The following PLBD1 variants were observed in gnomAD, a reference collection of about 807,000 sequenced individuals.
The protein encoded by PLBD1 is lysosomal leucine aminopeptidase.
In PLBD1, 60 loss-of-function variants were observed where a neutral mutation model predicts 63.0. That is an observed-to-expected ratio of 0.95 (90% confidence interval 0.77 to 1.18). The LOEUF is 1.18. Among genes scored for constraint, PLBD1 ranks in the 50% most tolerant of loss-of-function variants. The pLI is 0.00. For synonymous variants in PLBD1, 262 were observed against 248.0 expected (o/e 1.06, Z -0.53); for missense variants, 598 against 677.9 (o/e 0.88, Z 1.31).
rs143277098 is a variant in PLBD1, at chr12:14,532,844, T to C, written c.844+2815A>G. 2.1e-4 allele frequency among the ~76,000 whole-genome samples: 32 copies of C among 152,290 alleles called. No individual in the cohort carries two copies. The East Asian group carries it at 5.6e-3, about 27-fold the overall frequency. ...TGCACAGAGACACAGGTCAAGATAC[T>C]GCCAGCCTGGCCAGTCTCAGGATGC... On this transcript the variant is annotated intron_variant, in intron 6 of 10. Transcript: ENST00000240617.
intron 8 of PLBD1, 109 bp downstream of exon 8, chr12:14,511,151 C>G: frequency 8.2e-5 from 78 of 955,130 alleles, no homozygotes; most frequent in Non-Finnish European, 7.9e-5. Flanking sequence ...ATCCTGTCTT[C>G]CCCACCATAC....
chr12:14,517,426 G>A (rs1434140705), intron 6 of PLBD1, among the ~76,000 whole-genome samples: 2 of 152,002 alleles, frequency 1.3e-5, no homozygotes, highest in African/African-American at 4.8e-5. Context: ...GGGATTACAG[G>A]TGTGAGCCAC....
intron 6 of PLBD1, among the ~76,000 whole-genome samples, chr12:14,513,121 T>G (rs114515463): frequency 0.018 from 2,709 of 152,292 alleles, 73 homozygotes; most frequent in African/African-American, 0.062. Flanking sequence ...ATTTTTGTTA[T>G]TTTTTAACTG....
chr12:14,538,366 T>C (rs1945537320), intron 4 of PLBD1, among the ~76,000 whole-genome samples: 1 of 151,900 alleles, frequency 6.6e-6, no homozygotes, highest in East Asian at 1.9e-4. Context: ...CTAATTTTTG[T>C]AGTTTTTTGT....
At chr12:14,553,486 C>T in intron 1 of PLBD1, 74 bp from the exon 2 acceptor site, 2 of 1,139,266 alleles carry the variant, frequency 1.8e-6, no homozygotes, top group Admixed American at 1.9e-5. Context: ...ATGTATCCAA[C>T]AATTTCAAGA....
intron 1 of PLBD1, among the ~76,000 whole-genome samples, chr12:14,558,119 T>C (rs1444123322): frequency 6.6e-6 from 1 of 150,490 alleles, no homozygotes; most frequent in African/African-American, 2.4e-5. Flanking sequence ...TAGAGCATCA[T>C]GGCACCGTGC....
chr12:14,539,883 T>TTG (rs1290324701), intron 4 of PLBD1, among the ~76,000 whole-genome samples: 1 of 149,834 alleles, frequency 6.7e-6, no homozygotes, highest in Non-Finnish European at 1.5e-5. Context: ...TATATGTGTA[T>TTG]ATACACATAT....
intron 6 of PLBD1, among the ~76,000 whole-genome samples, chr12:14,521,658 T>C (rs4763386): frequency 0.96 from 146,282 of 152,194 alleles, 70,478 homozygotes; most frequent in East Asian, 1. Flanking sequence ...AAAAATCTTT[T>C]CCTATGATAA....
chr12:14,539,755 C>T (rs1945550755), intron 4 of PLBD1, among the ~76,000 whole-genome samples: 1 of 150,544 alleles, frequency 6.6e-6, no homozygotes, highest in Non-Finnish European at 1.5e-5. Context: ...CACTGCACTC[C>T]AGCCTGGGTG....
intron 6 of PLBD1, among the ~76,000 whole-genome samples, chr12:14,532,746 C>G (rs1364146673): frequency 6.6e-6 from 1 of 152,190 alleles, no homozygotes; most frequent in African/African-American, 2.4e-5. Flanking sequence ...CTGGATGGCT[C>G]TGCCACCTTG....
intron 6 of PLBD1, among the ~76,000 whole-genome samples, chr12:14,527,563 C>G (rs1945425670): frequency 1.3e-5 from 2 of 152,020 alleles, no homozygotes; most frequent in Non-Finnish European, 2.9e-5. Context: ...AAAACAAAAA[C>G]TTACGATGCA....
At chr12:14,522,887 G>A (rs542525513) in intron 6 of PLBD1, among the ~76,000 whole-genome samples, 4 of 152,146 alleles carry the variant, frequency 2.6e-5, no homozygotes, top group Admixed American at 2.6e-4. Context: ...GCCCATATAT[G>A]ACAAATTCAC....
In PLBD1 at chr12:14,553,308, CAG is replaced by C. The variant is rs1205788441; in HGVS notation, c.218_219del (p.Ser73CysfsTer23). 1.3e-5 allele frequency: 21 copies of C among 1,614,174 alleles called. No homozygotes were observed. Among genetic ancestry groups the C allele is most frequent in the East Asian group, 4.5e-5 (2 of 44,878 alleles). On this transcript the variant is annotated frameshift_variant, in exon 2 of 11. Transcript: ENST00000240617. LOFTEE classifies it high-confidence loss of function. ...AGGATGCCCCAGCCTGTGGTTTTCACAGAGTTATTGTAAAAGCCATAGGCGTC... is the reference window on the plus strand; with the variant it reads ...AGGATGCCCCAGCCTGTGGTTTTCACAGTTATTGTAAAAGCCATAGGCGTC... ...NGDAYGFYNN[S>X]VKTTGWGILE...
At chr12:14,541,865 G>C (rs968677487) in intron 3 of PLBD1, among the ~76,000 whole-genome samples, 7 of 152,214 alleles carry the variant, frequency 4.6e-5, no homozygotes, top group Admixed American at 3.3e-4. Flanking sequence ...ACATCTTAAA[G>C]AGCGAGGAGA....
At chr12:14,507,663 G>C (rs1451930110) in intron 8 of PLBD1, among the ~76,000 whole-genome samples, 4 of 151,640 alleles carry the variant, frequency 2.6e-5, no homozygotes, top group Non-Finnish European at 4.4e-5. Context: ...CTTTTTTTTT[G>C]AAAGACGTCA....
At chr12:14,539,756 A>T (rs966328731) in intron 4 of PLBD1, among the ~76,000 whole-genome samples, 1 of 151,380 alleles carries the variant, frequency 6.6e-6, no homozygotes, top group Non-Finnish European at 1.5e-5. Flanking sequence ...ACTGCACTCC[A>T]GCCTGGGTGA....
intron 6 of PLBD1, among the ~76,000 whole-genome samples, chr12:14,515,897 CAAAAAAAA>C (rs71067801): frequency 1.4e-5 from 2 of 143,802 alleles, no homozygotes. Flanking sequence ...ACTAAAAATA[CAAAAAAAA>C]AAAAATTAGC....
At chr12:14,532,778 G>A (rs1640224936) in intron 6 of PLBD1, among the ~76,000 whole-genome samples, 1 of 152,140 alleles carries the variant, frequency 6.6e-6, no homozygotes, top group Non-Finnish European at 1.5e-5. Context: ...GCACTAGAAG[G>A]GGATTTTGAA....
At chr12:14,530,886 C>T (rs1346777259) in intron 6 of PLBD1, among the ~76,000 whole-genome samples, 2 of 152,224 alleles carry the variant, frequency 1.3e-5, no homozygotes, top group Non-Finnish European at 2.9e-5. Flanking sequence ...TGTTACTAGG[C>T]AAACAGACCA....
Sources: allele counts gnomAD v4.1 joint callset (sites outside exome capture counted in the v4.1 genomes callset), GRCh38; gene constraint gnomAD v4.1.1; transcripts MANE v1.5; gene names NCBI Gene and HGNC (gene_info 2026-07-23, HGNC 2026-07-21).